The following KCNAB1 variants were observed in gnomAD, a reference collection of about 807,000 sequenced individuals.
The protein encoded by KCNAB1 is voltage-gated potassium channel subunit beta-1.
Under a neutral mutation model 64.6 loss-of-function variants are expected in KCNAB1, and 35 were observed. That is an observed-to-expected ratio of 0.54 (90% CI 0.41 to 0.72). The LOEUF is 0.72. Among genes scored for constraint, KCNAB1 ranks in the 30% least tolerant of loss-of-function variants. The pLI, the probability that KCNAB1 is intolerant of heterozygous loss-of-function variation, is 0.00. For synonymous variants in KCNAB1, 177 were observed against 183.8 expected (o/e 0.96, Z 0.30); for missense variants, 401 against 512.9 (o/e 0.78, Z 2.11).
chr3:156,482,799 C>T (rs1714926028), intron 8 of KCNAB1, among the ~76,000 whole-genome samples: 1 of 152,134 alleles, frequency 6.6e-6, no homozygotes. Flanking sequence ...CTAGTAACTA[C>T]TCGAAATTTA....
chr3:156,473,238 G>T (rs1179931801), intron 7 of KCNAB1, among the ~76,000 whole-genome samples: 1 of 152,168 alleles, frequency 6.6e-6, no homozygotes, highest in Non-Finnish European at 1.5e-5. Flanking sequence ...AATTCTGAAG[G>T]TGTCAGTATT....
At chr3:156,148,097 C>T (rs543361291) in intron 1 of KCNAB1, among the ~76,000 whole-genome samples, 10 of 152,290 alleles carry the variant, frequency 6.6e-5, no homozygotes, top group African/African-American at 2.4e-4. Flanking sequence ...TGCTGCTTTG[C>T]ATGCTTACCC....
intron 2 of KCNAB1, among the ~76,000 whole-genome samples, chr3:156,425,099 C>T (rs1002407238): frequency 2.4e-4 from 36 of 152,348 alleles, no homozygotes; most frequent in African/African-American, 7.7e-4. Flanking sequence ...CAGACCCCAG[C>T]TGTCAAATCC....
At chr3:156,410,323 G>T (rs1714561913) in intron 1 of KCNAB1, among the ~76,000 whole-genome samples, 1 of 152,010 alleles carries the variant, frequency 6.6e-6, no homozygotes, top group African/African-American at 2.4e-5. Flanking sequence ...TGTTATTGTT[G>T]TTCTTAGCTT....
At chr3:156,148,595 G>A (rs1241077850) in intron 1 of KCNAB1, among the ~76,000 whole-genome samples, 1 of 152,142 alleles carries the variant, frequency 6.6e-6, no homozygotes, top group Non-Finnish European at 1.5e-5. Flanking sequence ...CTTCACAATG[G>A]CATTATAAGA....
At chr3:156,430,544 C>T (rs111318611) in intron 2 of KCNAB1, among the ~76,000 whole-genome samples, 2,319 of 152,312 alleles carry the variant, frequency 0.015, 28 homozygotes, top group South Asian at 0.034. Context: ...AACATCATTA[C>T]AGCCATGAGA....
intron 1 of KCNAB1, among the ~76,000 whole-genome samples, chr3:156,158,866 T>G (rs1475787330): frequency 6.6e-6 from 1 of 152,222 alleles, no homozygotes; most frequent in Non-Finnish European, 1.5e-5. Flanking sequence ...TCCCAGAAGC[T>G]CTGGCTTATG....
intron 2 of KCNAB1, among the ~76,000 whole-genome samples, chr3:156,423,456 A>G (rs1380753458): frequency 6.6e-6 from 1 of 152,156 alleles, no homozygotes; most frequent in East Asian, 1.9e-4. Flanking sequence ...TTGCTTTTAT[A>G]TTCTCAGTGG....
chr3:156,178,535 T>TC (rs141726685), intron 1 of KCNAB1, among the ~76,000 whole-genome samples: 1,733 of 152,312 alleles, frequency 0.011, 33 homozygotes, highest in African/African-American at 0.04. Flanking sequence ...GCAGAGCCCT[T>TC]CTAGAGTTAA....
At chr3:156,478,395 C>T (rs1714536425) in intron 8 of KCNAB1, among the ~76,000 whole-genome samples, 2 of 152,012 alleles carry the variant, frequency 1.3e-5, no homozygotes, top group South Asian at 4.2e-4. Context: ...ATTTGCCAAC[C>T]CCATGGAGTC....
intron 1 of KCNAB1, among the ~76,000 whole-genome samples, chr3:156,264,699 T>TAC (rs1718601926): frequency 6.6e-6 from 1 of 152,122 alleles, no homozygotes; most frequent in African/African-American, 2.4e-5. Context: ...ATTATATATA[T>TAC]ACACACATAC....
chr3:156,177,465 C>T (rs1412076448), intron 1 of KCNAB1, among the ~76,000 whole-genome samples: 2 of 152,180 alleles, frequency 1.3e-5, no homozygotes, highest in Non-Finnish European at 2.9e-5. Flanking sequence ...CAAGCTCCGC[C>T]TTCCAGGTTC....
chr3:156,223,998 C>A (rs1411427852), intron 1 of KCNAB1, among the ~76,000 whole-genome samples: 2 of 152,246 alleles, frequency 1.3e-5, no homozygotes, highest in Non-Finnish European at 2.9e-5. Context: ...CGCGCAGGAG[C>A]CCACTGCAGT....
chr3:156,400,986 T>C (rs1175099518), intron 1 of KCNAB1, among the ~76,000 whole-genome samples: 1 of 152,226 alleles, frequency 6.6e-6, no homozygotes, highest in East Asian at 1.9e-4. Context: ...GGCTACTCAA[T>C]AAATCATCCA....
intron 1 of KCNAB1, among the ~76,000 whole-genome samples, chr3:156,345,709 G>A (rs1306241148): frequency 6.6e-6 from 1 of 152,194 alleles, no homozygotes; most frequent in Admixed American, 6.5e-5. Context: ...AACTCTTTCA[G>A]AAGCAATTCA....
At chr3:156,166,572 T>G (rs1404354237) in intron 1 of KCNAB1, among the ~76,000 whole-genome samples, 2 of 151,952 alleles carry the variant, frequency 1.3e-5, no homozygotes, top group African/African-American at 4.8e-5. Context: ...CAATATATGG[T>G]GTACTTTAAA....
chr3:156,362,588 T>C (rs1436639672), intron 1 of KCNAB1, among the ~76,000 whole-genome samples: 1 of 152,166 alleles, frequency 6.6e-6, no homozygotes, highest in Non-Finnish European at 1.5e-5. Flanking sequence ...AGTTCATTGG[T>C]TGATGTGAGG....
rs190152954 is a variant in KCNAB1, at chr3:156,228,731, G to A, written c.275+107845G>A. ...CCCTTGACCTAGGTTGGAGTCAATG[G>A]GGGATAGATCAGAGAAAAACCTCAG... On this transcript the variant is annotated intron_variant, in intron 1 of 13. Transcript: ENST00000490337. 2.0e-3 allele frequency among the ~76,000 whole-genome samples: 299 copies of A among 152,310 alleles called. 2 individuals carry two copies. Among genetic ancestry groups the A allele is most frequent in the African/African-American group, 6.8e-3 (281 of 41,574 alleles).
intron 1 of KCNAB1, among the ~76,000 whole-genome samples, chr3:156,354,142 A>ATATG (rs1491445238): frequency 1.2e-4 from 15 of 123,160 alleles, no homozygotes; most frequent in South Asian, 2.6e-4. Context: ...ATATATATAT[A>ATATG]TGTGTATATA....
Sources: gnomAD v4.1 joint callset for allele counts (sites outside exome capture counted in the v4.1 genomes callset) on GRCh38, gnomAD v4.1.1 for gene constraint, MANE v1.5 for transcripts, NCBI Gene and HGNC (gene_info 2026-07-23, HGNC 2026-07-21) for gene names.